The following DNAJC11 variants were observed in gnomAD, a reference collection of about 807,000 sequenced individuals.
DNAJC11 encodes DnaJ heat shock protein family (Hsp40) member C11.
DNAJC11 carries 15 observed loss-of-function variants against 78.6 expected under a neutral mutation model. The ratio of observed to expected loss-of-function variants is 0.19; its 90% CI spans 0.13 to 0.29. The LOEUF (loss-of-function observed/expected upper bound fraction) is 0.29. Ranked by LOEUF, DNAJC11 falls within the 10% of genes least tolerant of loss-of-function variation. DNAJC11 has a pLI of 1.00. For missense variants in DNAJC11, 547 were observed against 709.6 expected (o/e 0.77, Z 2.60); for synonymous variants, 292 against 272.1 (o/e 1.07, Z -0.72).
intron 10 of DNAJC11, among the ~76,000 whole-genome samples, chr1:6,642,720 G>A (rs574812230): frequency 3.9e-5 from 6 of 152,326 alleles, no homozygotes; most frequent in African/African-American, 1.4e-4. Context: ...AAGACTTCGG[G>A]CAGAGCAGGT....
intron 3 of DNAJC11, among the ~76,000 whole-genome samples, chr1:6,676,449 G>T (rs180782613): frequency 2.3e-4 from 35 of 152,242 alleles, no homozygotes; most frequent in African/African-American, 8.4e-4. Flanking sequence ...GGAGGCTGAG[G>T]GGGGAGGGTA....
chr1:6,638,208 C>T, intron 12 of DNAJC11, 87 bp downstream of exon 12: 3 of 1,359,250 alleles, frequency 2.2e-6, no homozygotes, highest in Non-Finnish European at 3.0e-6. Context: ...GAAGAGAAGT[C>T]TGACCTCTAA....
rs1642058877 is a variant in DNAJC11, at chr1:6,651,874, T to C, written c.631-272A>G. On this transcript the variant is annotated intron_variant, in intron 6 of 15. Coordinates refer to ENST00000377577, the MANE Select transcript of DNAJC11 (RefSeq NM_018198.4). Reference sequence around the variant, plus strand: ...AGAAAAAACTGCTCCCCTCTGTTCCTTGCCTCCCAGGCTGAGGTCAGGAGA... The same window carrying C: ...AGAAAAAACTGCTCCCCTCTGTTCCCTGCCTCCCAGGCTGAGGTCAGGAGA... 2.6e-5 allele frequency among the ~76,000 whole-genome samples: 4 copies of C among 152,222 alleles called. No individual in the cohort carries two copies. The South Asian group carries it at 6.2e-4, about 24-fold the overall frequency.
At position 6,634,442 on chromosome 1, in the gene DNAJC11, T is replaced by A; in HGVS notation, c.*1233A>T. 1 of 1,284,576 alleles carries A rather than the reference T, an allele frequency of 7.8e-7. No homozygotes were observed. Among genetic ancestry groups the A allele is most frequent in the East Asian group, 5.1e-5 (1 of 19,614 alleles). 79.6% of individuals were successfully genotyped at this position (1,284,576 alleles called of 1,614,324 possible). ...TTCTTAGCCGTTACTCAGATACCAG[T>A]GCTGGGGAGGGAGGCCTGACTTCAG... On this transcript the variant is annotated 3_prime_UTR_variant, in exon 16 of 16. Transcript: ENST00000377577.
Position 6,636,244 on chromosome 1 carries a change from A to T in DNAJC11, c.1527T>A (p.Ala509=), listed in dbSNP as rs753899585. The change falls in exon 15 of 16, where the codon GCT becomes GCA. Residue 509 remains alanine, a splice_region_variant and synonymous_variant. Transcript: ENST00000377577. Reference sequence around the variant, plus strand: ...ACGGGTCATAAAAGCCAGGCAGCCCAGCCTGTAACAAACAAATTGCTACTC... The same window carrying T: ...ACGGGTCATAAAAGCCAGGCAGCCCTGCCTGTAACAAACAAATTGCTACTC... The part of the protein sequence containing the change: ...SKLILTEASK[A]GLPGFYDPCV... The T allele has an allele frequency of 3.1e-6, 5 of 1,614,024 alleles. No homozygotes were observed. Among genetic ancestry groups the T allele is most frequent in the Non-Finnish European group, 4.2e-6 (5 of 1,179,972 alleles).
intron 15 of DNAJC11, 22 bp downstream of exon 15, chr1:6,636,083 GTTAGCTGGTGAC>G: frequency 6.3e-7 from 1 of 1,599,798 alleles, no homozygotes; most frequent in Non-Finnish European, 8.5e-7. Flanking sequence ...CCCCGCCCCC[GTTAGCTGGTGAC>G]TGCGAAGGGA....
At chr1:6,681,564 T>A (rs574091085) in intron 1 of DNAJC11, among the ~76,000 whole-genome samples, 2 of 152,256 alleles carry the variant, frequency 1.3e-5, no homozygotes, top group Admixed American at 1.3e-4. Flanking sequence ...CAGAAATGCT[T>A]CCCTAACCTG....
chr1:6,639,006 G>A (rs1258836027), intron 11 of DNAJC11, among the ~76,000 whole-genome samples: 1 of 152,190 alleles, frequency 6.6e-6, no homozygotes, highest in Non-Finnish European at 1.5e-5. Context: ...AAGGCCAGAC[G>A]GGCCCAGAAG....
intron 4 of DNAJC11, among the ~76,000 whole-genome samples, chr1:6,660,300 G>A (rs1642188869): frequency 6.6e-6 from 1 of 151,594 alleles, no homozygotes; most frequent in Non-Finnish European, 1.5e-5. Context: ...GTGACTACAG[G>A]AGCACGTCAC....
At chr1:6,685,392 A>G (rs370347894) in intron 1 of DNAJC11, among the ~76,000 whole-genome samples, 10 of 152,342 alleles carry the variant, frequency 6.6e-5, no homozygotes, top group Admixed American at 2.0e-4. Context: ...TTAAGGTTAC[A>G]GGATGTGTGA....
intron 3 of DNAJC11, among the ~76,000 whole-genome samples, chr1:6,677,175 C>CAAAAAAAAAAAAAAAAA: frequency 9.4e-6 from 1 of 105,972 alleles, no homozygotes; most frequent in Non-Finnish European, 2.0e-5. Context: ...AAAAAAAAAA[C>CAAAAAAAAAAAAAAAAA]AAAAAAAACG....
At chr1:6,644,793 G>T in intron 9 of DNAJC11, 119 bp from the exon 10 acceptor site, 1 of 901,118 alleles carries the variant, frequency 1.1e-6, no homozygotes, top group Non-Finnish European at 1.8e-6. Flanking sequence ...TCGACCCCCA[G>T]GGAGCAGATT....
At position 6,644,681 on chromosome 1, in the gene DNAJC11, GGA is replaced by G; in HGVS notation, c.981-9_981-8del. 2 of 1,612,196 alleles carry G rather than the reference GGA, an allele frequency of 1.2e-6. No homozygotes were observed. Among genetic ancestry groups the G allele is most frequent in the East Asian group, 2.2e-5 (1 of 44,874 alleles). ...CGTCCCAAAGAAGCCTGCTCTGCAGGGAGAGAACGCGGTCTGTGCCTGTGCCC... is the reference window on the plus strand; with the variant it reads ...CGTCCCAAAGAAGCCTGCTCTGCAGGGAGAACGCGGTCTGTGCCTGTGCCC... On this transcript the variant is annotated splice_polypyrimidine_tract_variant and splice_region_variant and intron_variant, in intron 9 of 15. Coordinates refer to ENST00000377577, the MANE Select transcript of DNAJC11 (RefSeq NM_018198.4).
chr1:6,692,936 T>A (rs1642770127), intron 1 of DNAJC11, among the ~76,000 whole-genome samples: 1 of 150,410 alleles, frequency 6.6e-6, no homozygotes, highest in African/African-American at 2.5e-5. Flanking sequence ...GACAGAGTCT[T>A]GCTCTGTTGC....
chr1:6,675,981 C>T (rs1251161587), intron 3 of DNAJC11, among the ~76,000 whole-genome samples: 1 of 152,106 alleles, frequency 6.6e-6, no homozygotes, highest in African/African-American at 2.4e-5. Context: ...AACAAAGAAG[C>T]TTTAAGGAGT....
chr1:6,664,042 A>G (rs1255997537), intron 4 of DNAJC11, among the ~76,000 whole-genome samples: 2 of 152,028 alleles, frequency 1.3e-5, no homozygotes, highest in African/African-American at 4.8e-5. Context: ...GTGTGCATGC[A>G]CGTGTTTCAT....
intron 1 of DNAJC11, among the ~76,000 whole-genome samples, chr1:6,696,812 A>G (rs1023851412): frequency 3.9e-5 from 6 of 152,232 alleles, no homozygotes; most frequent in African/African-American, 1.2e-4. Context: ...AAAGTGTTTA[A>G]AAGTTGAAAA....
intron 1 of DNAJC11, among the ~76,000 whole-genome samples, chr1:6,698,599 G>C (rs1642877182): frequency 6.6e-6 from 1 of 150,882 alleles, no homozygotes; most frequent in Non-Finnish European, 1.5e-5. Context: ...CATAAATATG[G>C]AAAGTGCCTT....
chr1:6,699,502 C>A (rs1642891079), intron 1 of DNAJC11, among the ~76,000 whole-genome samples: 1 of 152,188 alleles, frequency 6.6e-6, no homozygotes, highest in African/African-American at 2.4e-5. Context: ...CAATTACTGA[C>A]AACCCAGACT....
Sources: gnomAD v4.1 joint callset for allele counts (sites outside exome capture counted in the v4.1 genomes callset) on GRCh38, gnomAD v4.1.1 for gene constraint, MANE v1.5 for transcripts, NCBI Gene and HGNC (gene_info 2026-07-23, HGNC 2026-07-21) for gene names.